The following SH2D1A variants were observed in gnomAD, a reference collection of about 807,000 sequenced individuals.
SH2D1A encodes SH2 domain containing 1A, also known as SH2 domain-containing protein 1A.
In SH2D1A, 6 loss-of-function variants were observed where a neutral mutation model predicts 10.1. The ratio of observed to expected loss-of-function variants is 0.60; its 90% CI spans 0.33 to 1.18. The LOEUF (loss-of-function observed/expected upper bound fraction) is 1.18. Ranked by LOEUF, SH2D1A falls within the 50% of genes most tolerant of loss-of-function variation. The probability of loss-of-function intolerance (pLI) is 0.04; values close to 1 mark genes in which losing one functional copy is unlikely to be tolerated. For synonymous variants in SH2D1A, 42 were observed against 36.9 expected (o/e 1.14, Z -0.51); for missense variants, 51 against 97.6 (o/e 0.52, Z 2.01).
intron 2 of SH2D1A, among the ~76,000 whole-genome samples, chrX:124,366,933 T>C: frequency 9.2e-6 from 1 of 108,402 alleles, no homozygotes; most frequent in Non-Finnish European, 1.9e-5. Flanking sequence ...TTGTATATTA[T>C]TTCGCCAGAA....
intron 2 of SH2D1A, among the ~76,000 whole-genome samples, chrX:124,366,666 G>A (rs1351032150): frequency 2.7e-5 from 3 of 110,881 alleles, no homozygotes; most frequent in African/African-American, 6.6e-5. Context: ...GAACCACTGA[G>A]ATGAATTAGG....
chrX:124,364,861 C>G (rs965851348), intron 1 of SH2D1A, among the ~76,000 whole-genome samples: 1 of 111,567 alleles, frequency 9.0e-6, no homozygotes, highest in Non-Finnish European at 1.9e-5. Context: ...TCACCACTCA[C>G]TCATTGACTC....
chrX:124,350,200 TAATATAA>T (rs1460632634), intron 1 of SH2D1A, among the ~76,000 whole-genome samples: 11 of 61,249 alleles, frequency 1.8e-4, no homozygotes, highest in Non-Finnish European at 3.1e-4. Context: ...TATAAATATA[TAATATAA>T]AATATATAAT....
At chrX:124,365,495 G>T (rs1242060908) in intron 1 of SH2D1A, among the ~76,000 whole-genome samples, 1 of 109,846 alleles carries the variant, frequency 9.1e-6, no homozygotes, top group Non-Finnish European at 1.9e-5. Context: ...CTGTCCAAAT[G>T]GTCTCTCAAC....
chrX:124,372,701 G>A lies in SH2D1A; in HGVS notation c.*1310G>A, dbSNP rs1264703268. ...TAAGCTTCACTGTAAAATAATAACT[G>A]GGAATTCTGGATTGTGTATGGGTGT... On this transcript the variant is annotated 3_prime_UTR_variant, in exon 4 of 4. Transcript: ENST00000371139. 1 of 169,104 alleles carries A rather than the reference G, an allele frequency of 5.9e-6. No homozygotes were observed. Among genetic ancestry groups the A allele is most frequent in the African/African-American group, 2.9e-5 (1 of 34,017 alleles). 13.9% of individuals were successfully genotyped at this position (169,104 alleles called of 1,213,427 possible).
intron 1 of SH2D1A, among the ~76,000 whole-genome samples, chrX:124,360,675 A>T (rs191823365): frequency 1.3e-4 from 14 of 107,010 alleles, no homozygotes; most frequent in African/African-American, 4.8e-4. Flanking sequence ...GTGCCCAAGA[A>T]TAGCAATCAG....
At chrX:124,369,453 CAAAT>C (rs773384136) in intron 2 of SH2D1A, among the ~76,000 whole-genome samples, 3 of 111,703 alleles carry the variant, frequency 2.7e-5, no homozygotes, top group Non-Finnish European at 5.6e-5. Flanking sequence ...TAAAAACACA[CAAAT>C]AAATAAATAA....
chrX:124,356,306 A>T (rs190740990), intron 1 of SH2D1A, among the ~76,000 whole-genome samples: 1 of 110,876 alleles, frequency 9.0e-6, no homozygotes, highest in Non-Finnish European at 1.9e-5. Flanking sequence ...TCTATCATTG[A>T]TGGACATTTG....
chrX:124,351,067 T>A (rs1464178753), intron 1 of SH2D1A, among the ~76,000 whole-genome samples: 2 of 92,115 alleles, frequency 2.2e-5, no homozygotes, highest in South Asian at 4.3e-4. Context: ...AAATATATAT[T>A]TTTATATATA....
chrX:124,350,414 TAA>T (rs1260190693), intron 1 of SH2D1A, among the ~76,000 whole-genome samples: 14 of 20,423 alleles, frequency 6.9e-4, no homozygotes, highest in African/African-American at 2.6e-3. Flanking sequence ...ATATAATATA[TAA>T]ATATATATTA....
chrX:124,351,476 A>G (rs181902230), intron 1 of SH2D1A, among the ~76,000 whole-genome samples: 4 of 110,829 alleles, frequency 3.6e-5, no homozygotes, highest in African/African-American at 1.3e-4. Flanking sequence ...TTCTTGATAT[A>G]TACATGATCA....
At chrX:124,369,600 C>T (rs2060064497) in intron 2 of SH2D1A, among the ~76,000 whole-genome samples, 1 of 111,573 alleles carries the variant, frequency 9.0e-6, no homozygotes, top group Non-Finnish European at 1.9e-5. Flanking sequence ...TGAAGAATGG[C>T]GCAGGAAATA....
At chrX:124,363,028 T>C (rs141189233) in intron 1 of SH2D1A, among the ~76,000 whole-genome samples, 1 of 111,307 alleles carries the variant, frequency 9.0e-6, no homozygotes, top group Non-Finnish European at 1.9e-5. Context: ...TCTTGGACTT[T>C]CCAGCCTCCA....
rs187870163 is a variant in SH2D1A, at chrX:124,353,967, G to A, written c.137+7188G>A. Among the ~76,000 whole-genome samples the A allele has an allele frequency of 1.8e-3, 205 of 112,402 alleles. 1 individual carries two copies. Among genetic ancestry groups the A allele is most frequent in the African/African-American group, 6.3e-3 (196 of 31,020 alleles). On this transcript the variant is annotated intron_variant, in intron 1 of 3. Transcript: ENST00000371139. ...ATTCCAGTTTATCAGTTGCAATAAA[G>A]GGGAACAGTGTGGCAAAGAACTTGA... is the stretch of plus-strand genomic sequence containing the variant.
intron 1 of SH2D1A, among the ~76,000 whole-genome samples, chrX:124,360,570 T>C (rs761322535): frequency 2.8e-4 from 22 of 79,460 alleles, no homozygotes; most frequent in African/African-American, 1.1e-3. Context: ...CCTACTGTAC[T>C]CCAGCCTGGG....
At chrX:124,365,197 A>G (rs893146239) in intron 1 of SH2D1A, among the ~76,000 whole-genome samples, 2 of 110,581 alleles carry the variant, frequency 1.8e-5, no homozygotes, top group African/African-American at 6.6e-5. Context: ...TTGGTAAGTG[A>G]TGCATGACTG....
At chrX:124,366,876 A>AACACACACACACACAC (rs59536671) in intron 2 of SH2D1A, among the ~76,000 whole-genome samples, 3 of 87,089 alleles carry the variant, frequency 3.4e-5, no homozygotes, top group Non-Finnish European at 6.9e-5. Context: ...TATACTGACA[A>AACACACACACACACAC]ACACACACAC....
In SH2D1A at chrX:124,364,310, C is replaced by G. The variant is rs1304553585; in HGVS notation, c.138-1451C>G. On this transcript the variant is annotated intron_variant, in intron 1 of 3. Coordinates refer to ENST00000371139, the MANE Select transcript of SH2D1A (RefSeq NM_002351.5). ...GTTTTTAACAAAAAAGTTTAAATAG[C>G]AAAGAATACATAAAATAAAAATTTT... The G allele has an allele frequency of 1.5e-5, 3 of 198,028 alleles. No individual in the cohort carries two copies. The East Asian group carries it at 5.0e-4, about 33-fold the overall frequency. The allele number at this position is 198,028 out of a possible 1,213,427, so 16.3% of individuals were successfully genotyped here.
chrX:124,357,907 C>A (rs892807955), intron 1 of SH2D1A, among the ~76,000 whole-genome samples: 1 of 110,064 alleles, frequency 9.1e-6, no homozygotes, highest in African/African-American at 3.3e-5. Context: ...GCAAACTCCA[C>A]CTCCCAGGTT....
Sources: gnomAD v4.1 joint callset for allele counts (sites outside exome capture counted in the v4.1 genomes callset) on GRCh38, gnomAD v4.1.1 for gene constraint, MANE v1.5 for transcripts, NCBI Gene and HGNC (gene_info 2026-07-23, HGNC 2026-07-21) for gene names.